Variants in CADM2 observed in about 807,000 individuals in gnomAD.
CADM2 encodes the protein immunoglobulin superfamily member 4D.
CADM2 carries 12 observed loss-of-function variants against 49.8 expected under a neutral mutation model. That is an observed-to-expected ratio of 0.24 (90% CI 0.15 to 0.39). The LOEUF is 0.39. Ranked by LOEUF, CADM2 falls within the 10% of genes least tolerant of loss-of-function variation. The pLI is 1.00. For missense variants in CADM2, 378 were observed against 492.3 expected (o/e 0.77, Z 2.20); for synonymous variants, 214 against 175.4 (o/e 1.22, Z -1.74).
At chr3:85,446,583 T>A (rs1478895608) in intron 1 of CADM2, among the ~76,000 whole-genome samples, 4 of 149,324 alleles carry the variant, frequency 2.7e-5, no homozygotes, top group Non-Finnish European at 5.9e-5. Context: ...AAAGTGTGTG[T>A]GTGAGTTTTT....
In CADM2 at chr3:85,363,805, G is replaced by A. The variant is rs550006571; in HGVS notation, c.62-362717G>A. On this transcript the variant is annotated intron_variant, in intron 1 of 9. Transcript: ENST00000383699. Reference sequence around the variant, plus strand: ...TTTTTGTATTTTCAGTAGAGACGATGTTTCACCGTGTTAGCCAGGATGGTC... The same window carrying A: ...TTTTTGTATTTTCAGTAGAGACGATATTTCACCGTGTTAGCCAGGATGGTC... Among the ~76,000 whole-genome samples, 4 of 152,220 alleles carry A rather than the reference G, an allele frequency of 2.6e-5. No homozygotes were observed. The South Asian group carries it at 6.2e-4, about 24-fold the overall frequency.
chr3:85,989,707 A>G (rs762569774), intron 8 of CADM2, among the ~76,000 whole-genome samples: 2 of 152,080 alleles, frequency 1.3e-5, no homozygotes, highest in Non-Finnish European at 2.9e-5. Flanking sequence ...CATACATACT[A>G]CAAGTCTATA....
intron 1 of CADM2, among the ~76,000 whole-genome samples, chr3:85,519,222 C>T (rs1191609244): frequency 6.6e-6 from 1 of 152,070 alleles, no homozygotes; most frequent in African/African-American, 2.4e-5. Flanking sequence ...GTAGCACAAG[C>T]ACCCCGTTTT....
At chr3:86,062,282 A>G (rs1002841125) in intron 8 of CADM2, among the ~76,000 whole-genome samples, 2 of 152,356 alleles carry the variant, frequency 1.3e-5, no homozygotes, top group South Asian at 4.1e-4. Flanking sequence ...TTCAAGTAAT[A>G]CAAATAGAGA....
At chr3:85,355,705 T>C (rs2031800642) in intron 1 of CADM2, among the ~76,000 whole-genome samples, 1 of 152,104 alleles carries the variant, frequency 6.6e-6, no homozygotes, top group Non-Finnish European at 1.5e-5. Context: ...CTTTGGAGGA[T>C]AGCTGTAAAT....
rs11329456 is a variant in CADM2 at position 85,175,919 on chromosome 3, C to CTTTTTTTTTTTT, written c.61+216267_61+216278dup. Among the ~76,000 whole-genome samples the CTTTTTTTTTTTT allele has an allele frequency of 6.4e-4, 49 of 76,264 alleles. 6 individuals carry two copies. The highest frequency in any genetic ancestry group is 2.4e-3 in the African/African-American group (40 of 16,430). The allele number at this position is 76,264 out of a possible 152,430, so 50.0% of individuals were successfully genotyped here. A position where few individuals can be genotyped will look rare whatever the true frequency, so the allele number is the denominator to read the frequency against. On this transcript the variant is annotated intron_variant, in intron 1 of 9. Transcript: ENST00000383699. ...CAGTTTATCTGAGTTATGTCCTAAT[C>CTTTTTTTTTTTT]TTTTTTTTTTTTTTTTTTTTTTTTT...
intron 1 of CADM2, among the ~76,000 whole-genome samples, chr3:85,498,179 T>G (rs1017028062): frequency 7.2e-5 from 11 of 151,812 alleles, no homozygotes; most frequent in African/African-American, 2.2e-4. Flanking sequence ...AAGTTTTTTT[T>G]TTTTTTTTTG....
intron 1 of CADM2, among the ~76,000 whole-genome samples, chr3:85,499,248 C>A (rs1030900402): frequency 2.0e-5 from 3 of 152,042 alleles, no homozygotes; most frequent in Non-Finnish European, 4.4e-5. Context: ...GGAAAATTCT[C>A]ACAGGAAATC....
chr3:85,965,149 A>G (rs1254406141), intron 8 of CADM2, among the ~76,000 whole-genome samples: 1 of 151,350 alleles, frequency 6.6e-6, no homozygotes, highest in Non-Finnish European at 1.5e-5. Context: ...AAAATAGAAG[A>G]GTTATAGGGA....
At chr3:85,157,977 C>G (rs1318215642) in intron 1 of CADM2, among the ~76,000 whole-genome samples, 2 of 152,036 alleles carry the variant, frequency 1.3e-5, no homozygotes, top group Non-Finnish European at 2.9e-5. Flanking sequence ...CTACAATGAA[C>G]TCAAACAAAT....
chr3:85,000,090 T>C (rs368106324), intron 1 of CADM2, among the ~76,000 whole-genome samples: 15 of 151,418 alleles, frequency 9.9e-5, no homozygotes, highest in African/African-American at 3.6e-4. Context: ...GCTGTTTTAA[T>C]ATAACATATA....
chr3:85,206,092 T>C (rs1002451265), intron 1 of CADM2, among the ~76,000 whole-genome samples: 1 of 152,076 alleles, frequency 6.6e-6, no homozygotes, highest in African/African-American at 2.4e-5. Context: ...TCAGGTAAAC[T>C]GTTTTTCAGT....
At chr3:85,770,216 C>T (rs1355860731) in intron 2 of CADM2, among the ~76,000 whole-genome samples, 1 of 152,076 alleles carries the variant, frequency 6.6e-6, no homozygotes, top group Admixed American at 6.6e-5. Flanking sequence ...AACCCCAATT[C>T]TATGTGCTTA....
At position 85,276,796 on chromosome 3, in the gene CADM2, G is replaced by A. The variant is rs560325155; in HGVS notation, c.61+317128G>A. Among the ~76,000 whole-genome samples, 5 of 151,352 alleles carry A rather than the reference G, an allele frequency of 3.3e-5. No individual in the cohort carries two copies. In the South Asian group the frequency reaches 1.0e-3, roughly 31 times the overall value. ...ACAGAAGAATGCACATGAAAAAGCTGTTGTTATGCCCAGGGATATTGGACA... is the reference window on the plus strand; with the variant it reads ...ACAGAAGAATGCACATGAAAAAGCTATTGTTATGCCCAGGGATATTGGACA... On this transcript the variant is annotated intron_variant, in intron 1 of 9. Transcript: ENST00000383699.
intron 1 of CADM2, among the ~76,000 whole-genome samples, chr3:85,287,596 A>G (rs2043665504): frequency 1.3e-5 from 2 of 152,124 alleles, no homozygotes; most frequent in African/African-American, 4.8e-5. Context: ...CAACAATAAC[A>G]AAGTCATTAT....
intron 1 of CADM2, among the ~76,000 whole-genome samples, chr3:85,177,820 G>A (rs1321234272): frequency 1.3e-5 from 2 of 151,800 alleles, no homozygotes; most frequent in Non-Finnish European, 2.9e-5. Flanking sequence ...AAGAGAAATA[G>A]AAAAGCCGTA....
intron 8 of CADM2, among the ~76,000 whole-genome samples, chr3:86,008,784 C>G (rs977496346): frequency 6.6e-6 from 1 of 151,858 alleles, no homozygotes; most frequent in African/African-American, 2.4e-5. Flanking sequence ...GTTATCTTCT[C>G]TCAAATTATT....
At chr3:85,902,409 A>C (rs1577613062) in intron 5 of CADM2, among the ~76,000 whole-genome samples, 1 of 151,928 alleles carries the variant, frequency 6.6e-6, no homozygotes, top group South Asian at 2.1e-4. Flanking sequence ...TGTATCTTTA[A>C]ATCTAAAGTG....
intron 2 of CADM2, among the ~76,000 whole-genome samples, chr3:85,794,598 T>C (rs2071515895): frequency 6.6e-6 from 1 of 152,160 alleles, no homozygotes. Flanking sequence ...TTGTTTCTTT[T>C]AAATCCTGTC....
Sources: allele counts gnomAD v4.1 joint callset (sites outside exome capture counted in the v4.1 genomes callset), GRCh38; gene constraint gnomAD v4.1.1; transcripts MANE v1.5; gene names NCBI Gene and HGNC (gene_info 2026-07-23, HGNC 2026-07-21).